The following ZNF514 variants were observed in gnomAD, a reference collection of about 807,000 sequenced individuals.
ZNF514 encodes the protein zinc finger protein 514.
Under a neutral mutation model 9.7 loss-of-function variants are expected in ZNF514, and 12 were observed. The ratio of observed to expected loss-of-function variants is 1.24; its 90% CI spans 0.79 to 2.01. The LOEUF (loss-of-function observed/expected upper bound fraction) is 2.01. ZNF514 is among the 30% of genes most tolerant of loss of function. ZNF514 has a pLI of 0.00. For missense variants in ZNF514, 467 were observed against 465.5 expected (o/e 1.00, Z -0.03); for synonymous variants, 158 against 163.7 (o/e 0.97, Z 0.27).
the ZNF514 span, among the ~76,000 whole-genome samples, chr2:95,132,160 A>C: frequency 1.3e-5 from 2 of 151,152 alleles, no homozygotes; most frequent in East Asian, 1.9e-4. Flanking sequence ...AAAAAAAAAA[A>C]AAAAAAAAAA....
chr2:95,131,701 T>C, the ZNF514 span, among the ~76,000 whole-genome samples: 1 of 152,174 alleles, frequency 6.6e-6, no homozygotes, highest in Non-Finnish European at 1.5e-5. Flanking sequence ...GAGGAAAAGA[T>C]AGCCTTTTCA....
the ZNF514 span, among the ~76,000 whole-genome samples, chr2:95,134,217 G>A: frequency 6.6e-6 from 1 of 152,108 alleles, no homozygotes; most frequent in Non-Finnish European, 1.5e-5. Context: ...GTCCCTGGAT[G>A]TCCAAGCCAC....
chr2:95,139,573 C>T, the ZNF514 span, among the ~76,000 whole-genome samples: 19 of 150,796 alleles, frequency 1.3e-4, no homozygotes, highest in African/African-American at 3.9e-4. Flanking sequence ...TGCCTATACA[C>T]CCCTTGTATC....
chr2:95,143,638 T>TA (rs2104456661), downstream of ZNF514, among the ~76,000 whole-genome samples: 1 of 152,130 alleles, frequency 6.6e-6, no homozygotes, highest in East Asian at 1.9e-4. Flanking sequence ...ATAAATAAAA[T>TA]AAAAATAAAG....
the ZNF514 span, among the ~76,000 whole-genome samples, chr2:95,135,891 G>A: frequency 6.6e-6 from 1 of 151,606 alleles, no homozygotes; most frequent in African/African-American, 2.4e-5. Context: ...CCAACATGGT[G>A]AAACCCCCTC....
chr2:95,149,275 A>C lies in ZNF514; in HGVS notation c.*7T>G. On this transcript the variant is annotated 3_prime_UTR_variant, in exon 5 of 5. Coordinates refer to ENST00000295208, the MANE Select transcript of ZNF514 (RefSeq NM_032788.3). The stretch of plus-strand genomic sequence containing the variant: ...TCCAGCTGAAAGCCCTTCTATATTC[A>C]CTGAATTTATAGGGTTTTTTTTCCA... The C allele has an allele frequency of 6.4e-7, 1 of 1,556,162 alleles. No individual in the cohort carries two copies. The highest frequency in any genetic ancestry group is 8.7e-7 in the Non-Finnish European group (1 of 1,154,398).
At chr2:95,158,502 C>A (rs893668846) in intron 1 of ZNF514, among the ~76,000 whole-genome samples, 1 of 152,204 alleles carries the variant, frequency 6.6e-6, no homozygotes, top group African/African-American at 2.4e-5. Flanking sequence ...AGAGGAGATA[C>A]CCACCATGTA....
chr2:95,139,424 G>A, the ZNF514 span, among the ~76,000 whole-genome samples: 1 of 152,230 alleles, frequency 6.6e-6, no homozygotes, highest in Admixed American at 6.5e-5. Context: ...TGCCCTGGAT[G>A]CAGGATATGG....
Position 95,153,214 on chromosome 2 carries a change from C to A in ZNF514, c.40G>T (p.Glu14Ter). The change falls in exon 3 of 5, where the codon GAG (glutamate) becomes TAG (stop). Residue 14 changes from glutamate (E) to a stop codon, truncating the protein, a stop_gained. Transcript: ENST00000295208. LOFTEE classifies it high-confidence loss of function. ...TGAGCAGGGTTCAGCTGCCCCCACT[C>A]CCACTGGCTGAATTCCACAGCCACA... ...EDVAVEFSQW[E>*]WGQLNPAQKD... 6.2e-7 allele frequency: 1 copy of A among 1,614,096 alleles called. No individual in the cohort carries two copies. The highest frequency in any genetic ancestry group is 8.5e-7 in the Non-Finnish European group (1 of 1,179,966).
At chr2:95,126,371 CAAAAAAAAAAAA>C in the ZNF514 span, among the ~76,000 whole-genome samples, 8 of 51,432 alleles carry the variant, frequency 1.6e-4, no homozygotes, top group East Asian at 4.7e-3. Context: ...AACTCCATCT[CAAAAAAAAAAAA>C]AAAAAAAAAA....
Position 95,146,248 on chromosome 2 carries a change from A to C in ZNF514, c.*3034T>G, listed in dbSNP as rs1673356401. On this transcript the variant is annotated 3_prime_UTR_variant, in exon 5 of 5. Transcript: ENST00000295208. ...AAACAAGAAAGTGGTAAAGTGATAA[A>C]AAATTATTTAAATAGATCAAGACAG... Among the ~76,000 whole-genome samples, 1 of 152,224 alleles carries C rather than the reference A, an allele frequency of 6.6e-6. No homozygotes were observed. Among genetic ancestry groups the C allele is most frequent in the Non-Finnish European group, 1.5e-5 (1 of 68,044 alleles).
intron 4 of ZNF514, among the ~76,000 whole-genome samples, chr2:95,152,223 AC>A (rs1673562551): frequency 6.6e-6 from 1 of 152,162 alleles, no homozygotes; most frequent in African/African-American, 2.4e-5. Context: ...TTTGAGACTC[AC>A]CTTAATCAAG....
At chr2:95,132,879 A>G in the ZNF514 span, among the ~76,000 whole-genome samples, 1 of 151,432 alleles carries the variant, frequency 6.6e-6, no homozygotes, top group African/African-American at 2.4e-5. Context: ...AAAAAAAAAA[A>G]AAAAAAAAAG....
At chr2:95,132,247 T>C in the ZNF514 span, among the ~76,000 whole-genome samples, 1 of 150,180 alleles carries the variant, frequency 6.7e-6, no homozygotes, top group Non-Finnish European at 1.5e-5. Flanking sequence ...AAAACACTAG[T>C]ATCTAGAATT....
At chr2:95,142,882 C>T (rs1365016876), downstream of ZNF514, among the ~76,000 whole-genome samples, 3 of 152,232 alleles carry the variant, frequency 2.0e-5, no homozygotes, top group Non-Finnish European at 4.4e-5. Flanking sequence ...ACAGATCTGT[C>T]TCAACTTACT....
At chr2:95,159,207 C>A in intron 1 of ZNF514, 33 bp downstream of exon 1, 1 of 232,608 alleles carries the variant, frequency 4.3e-6, no homozygotes, top group Non-Finnish European at 8.0e-6. Flanking sequence ...TGCCCGGGGT[C>A]GTGCTCTTCC....
chr2:95,125,228 C>CTTT, the ZNF514 span, among the ~76,000 whole-genome samples: 5 of 125,152 alleles, frequency 4.0e-5, no homozygotes, highest in Admixed American at 8.3e-5. Flanking sequence ...AATTGCCATC[C>CTTT]TTTTTTTTTT....
the ZNF514 span, among the ~76,000 whole-genome samples, chr2:95,135,470 G>A: frequency 6.7e-6 from 1 of 148,324 alleles, no homozygotes; most frequent in Non-Finnish European, 1.5e-5. Flanking sequence ...TGCCCAGGCT[G>A]GAGTACAGTG....
intron 1 of ZNF514, 197 bp downstream of exon 1, chr2:95,159,043 G>A: frequency 8.1e-7 from 1 of 1,233,290 alleles, no homozygotes; most frequent in Non-Finnish European, 1.0e-6. Context: ...TTCGGCCACA[G>A]CCCTGTGGTC....
Sources: allele counts gnomAD v4.1 joint callset (sites outside exome capture counted in the v4.1 genomes callset), GRCh38; gene constraint gnomAD v4.1.1; transcripts MANE v1.5; gene names NCBI Gene and HGNC (gene_info 2026-07-23, HGNC 2026-07-21).